SERHL2: variants seen among roughly 807,000 people sequenced by gnomAD.
SERHL2 encodes serine hydrolase-like protein 2.
SERHL2 carries 29 observed loss-of-function variants against 25.5 expected under a neutral mutation model. The ratio of observed to expected loss-of-function variants is 1.14; its 90% CI spans 0.85 to 1.55. The LOEUF (loss-of-function observed/expected upper bound fraction) is 1.55. Among genes scored for constraint, SERHL2 ranks in the 40% most tolerant of loss-of-function variants. The pLI is 0.00. For synonymous variants in SERHL2, 95 were observed against 103.5 expected (o/e 0.92, Z 0.50); for missense variants, 240 against 252.3 (o/e 0.95, Z 0.33).
chr22:42,560,342 C>G (rs1314932005), intron 8 of SERHL2, 77 bp downstream of exon 8: 2 of 1,106,638 alleles, frequency 1.8e-6, no homozygotes, highest in African/African-American at 1.5e-5. Flanking sequence ...TTGCCTTAGA[C>G]CAGGCAGGAT....
chr22:42,563,400 C>G (rs369626919), intron 8 of SERHL2: 4 of 430,726 alleles, frequency 9.3e-6, no homozygotes, highest in Non-Finnish European at 1.9e-5. Context: ...GATGGAGTTT[C>G]GCCATGTTGC....
intron 8 of SERHL2, chr22:42,564,966 G>GCGCA (rs1357526455): frequency 1.4e-5 from 2 of 144,446 alleles, no homozygotes; most frequent in African/African-American, 5.4e-5. Flanking sequence ...CTCGGCGCGC[G>GCGCA]CGTGTGTGTG....
At chr22:42,562,468 T>C (rs1255481492) in intron 8 of SERHL2, among the ~76,000 whole-genome samples, 1 of 151,722 alleles carries the variant, frequency 6.6e-6, no homozygotes, top group Non-Finnish European at 1.5e-5. Context: ...GCTGGGAGCC[T>C]CAGGAGCCCG....
In SERHL2 at chr22:42,553,989, A is replaced by G. The variant is rs1333408933; in HGVS notation, c.-32A>G. On this transcript the variant is annotated 5_prime_UTR_variant, in exon 1 of 12. Transcript: ENST00000327678. ...CCTGCGACCTAGCCAGGCGTGAGGG[A>G]GTGACAGCAGCGCATTCGCGGGACG... 1 of 1,612,968 alleles carries G rather than the reference A, an allele frequency of 6.2e-7. No individual in the cohort carries two copies. The highest frequency in any genetic ancestry group is 1.3e-5 in the African/African-American group (1 of 74,990).
chr22:42,563,373 T>C (rs1922940571), intron 8 of SERHL2: 1 of 414,874 alleles, frequency 2.4e-6, no homozygotes, highest in Non-Finnish European at 4.8e-6. Context: ...TGGCTAATTT[T>C]TGTATTTTTT....
At chr22:42,564,301 T>G (rs1923055117) in intron 8 of SERHL2, among the ~76,000 whole-genome samples, 1 of 151,724 alleles carries the variant, frequency 6.6e-6, no homozygotes, top group South Asian at 2.1e-4. Context: ...AAGTCTATCT[T>G]TACCCTGTTC....
At position 42,566,338 on chromosome 22, in the gene SERHL2, G is replaced by C. The variant is rs1363185599; in HGVS notation, c.648G>C (p.Trp216Cys). 3 of 1,611,678 alleles carry C rather than the reference G, an allele frequency of 1.9e-6. No individual in the cohort carries two copies. Among genetic ancestry groups the C allele is most frequent in the African/African-American group, 2.7e-5 (2 of 74,884 alleles). Reference sequence around the variant, plus strand: ...TGAACAGAGACCAGAGGCTCGCCTGGGTGAGTACCACTGCCTCCGGGTCCC... The same window carrying C: ...TGAACAGAGACCAGAGGCTCGCCTGCGTGAGTACCACTGCCTCCGGGTCCC... ...LVLNRDQRLA[W>C]AENSIDFISR... Residue 216 changes from tryptophan to cysteine, a missense_variant and splice_region_variant, in exon 9 of 12, where the codon TGG becomes TGC. Trp to Cys is a radical substitution (Grantham distance 215). Transcript: ENST00000327678.
At chr22:42,571,551 G>A (rs563496313) in intron 10 of SERHL2, 41 of 895,346 alleles carry the variant, frequency 4.6e-5, no homozygotes, top group East Asian at 6.9e-5. Flanking sequence ...TCAGCCTCCC[G>A]AGTAGCTGGG....
At chr22:42,559,887 C>G (rs895787506) in intron 7 of SERHL2, among the ~76,000 whole-genome samples, 1 of 151,942 alleles carries the variant, frequency 6.6e-6, no homozygotes, top group East Asian at 1.9e-4. Context: ...TCTCAGCTCA[C>G]TGCAACCTCT....
chr22:42,562,460 T>C (rs1922807227), intron 8 of SERHL2, among the ~76,000 whole-genome samples: 1 of 151,830 alleles, frequency 6.6e-6, no homozygotes, highest in South Asian at 2.1e-4. Context: ...CTCTGGCTGC[T>C]GGGAGCCTCA....
rs890921839 is a variant in SERHL2 at position 42,560,402 on chromosome 22, C to T, written c.613+137C>T. On this transcript the variant is annotated intron_variant, in intron 8 of 11. Transcript: ENST00000327678. ...TCACTGAATCCCCCTCCTGCCTCAC[C>T]CTCATCCCATTTAGAGCAGGAGAAA... 3.3e-5 allele frequency: 22 copies of T among 672,838 alleles called. No homozygotes were observed. The East Asian group carries it at 4.9e-4, about 15-fold the overall frequency. 41.7% of individuals were successfully genotyped at this position (672,838 alleles called of 1,614,324 possible).
At chr22:42,572,999 ACAG>A (rs1253220573) in intron 11 of SERHL2, among the ~76,000 whole-genome samples, 5 of 151,906 alleles carry the variant, frequency 3.3e-5, no homozygotes, top group South Asian at 4.1e-4. Context: ...CTCCCAAACC[ACAG>A]CAGAATACCC....
chr22:42,571,051 A>G (rs1924104810), intron 9 of SERHL2, 70 bp from the exon 10 acceptor site: 1 of 1,607,458 alleles, frequency 6.2e-7, no homozygotes, highest in East Asian at 2.2e-5. Flanking sequence ...ACCCCAACAG[A>G]GATGGGTTTC....
chr22:42,564,433 T>C (rs1923073668), intron 8 of SERHL2, among the ~76,000 whole-genome samples: 1 of 151,588 alleles, frequency 6.6e-6, no homozygotes, highest in African/African-American at 2.4e-5. Flanking sequence ...CAGGATTTTT[T>C]TTTTTCTTTT....
At chr22:42,569,148 AAG>A (rs1425457759) in intron 9 of SERHL2, 1 of 32,434 alleles carries the variant, frequency 3.1e-5, no homozygotes, top group Non-Finnish European at 5.5e-5. Flanking sequence ...TTTTCTTGCA[AAG>A]GAACATTTCA....
intron 8 of SERHL2, among the ~76,000 whole-genome samples, chr22:42,563,198 T>C (rs78555678): frequency 2.7e-5 from 2 of 74,668 alleles, no homozygotes; most frequent in African/African-American, 1.3e-4. Flanking sequence ...TTCTTTTTTT[T>C]TTTTTTTGTT....
At chr22:42,567,063 A>C (rs531151891) in intron 9 of SERHL2, among the ~76,000 whole-genome samples, 1 of 152,246 alleles carries the variant, frequency 6.6e-6, no homozygotes, top group African/African-American at 2.4e-5. Context: ...ATGTGTGTTG[A>C]GTGGCCTCGC....
chr22:42,566,818 G>A (rs142347053), intron 9 of SERHL2, among the ~76,000 whole-genome samples: 1,050 of 152,086 alleles, frequency 6.9e-3, no homozygotes, highest in African/African-American at 0.024. Flanking sequence ...AAAAAACAGC[G>A]TCCCATCTGG....
chr22:42,562,152 G>A (rs947137363), intron 8 of SERHL2, among the ~76,000 whole-genome samples: 1 of 151,744 alleles, frequency 6.6e-6, no homozygotes, highest in Admixed American at 6.6e-5. Flanking sequence ...TTGGGACCCA[G>A]CATTAACCTA....
Sources: allele counts gnomAD v4.1 joint callset (sites outside exome capture counted in the v4.1 genomes callset), GRCh38; gene constraint gnomAD v4.1.1; transcripts MANE v1.5; gene names NCBI Gene and HGNC (gene_info 2026-07-23, HGNC 2026-07-21).